PCDH15: variants seen among roughly 807,000 people sequenced by gnomAD.
PCDH15 encodes the protein protocadherin-15.
PCDH15 carries 129 observed loss-of-function variants against 178.5 expected under a neutral mutation model. The observed-to-expected ratio is 0.72, with a 90% CI of 0.63 to 0.84. The LOEUF (loss-of-function observed/expected upper bound fraction) is 0.84. PCDH15 is among the 40% of genes least tolerant of loss of function. PCDH15 has a pLI of 0.00. For missense variants in PCDH15, 2,230 were observed against 2,099.9 expected (o/e 1.06, Z -1.21); for synonymous variants, 800 against 732.0 (o/e 1.09, Z -1.50).
chr10:54,012,579 A>G (rs2092622852), intron 20 of PCDH15, among the ~76,000 whole-genome samples: 1 of 152,186 alleles, frequency 6.6e-6, no homozygotes, highest in African/African-American at 2.4e-5. Flanking sequence ...AGAACCCATC[A>G]GGCTAACAGT....
chr10:54,552,451 G>A (rs2133204538), intron 2 of PCDH15, among the ~76,000 whole-genome samples: 1 of 152,146 alleles, frequency 6.6e-6, no homozygotes, highest in African/African-American at 2.4e-5. Flanking sequence ...AAACTTAAAT[G>A]GCATTATTAA....
At chr10:55,385,106 G>A (rs1837620131) in intron 2 of PCDH15, among the ~76,000 whole-genome samples, 1 of 152,058 alleles carries the variant, frequency 6.6e-6, no homozygotes, top group Non-Finnish European at 1.5e-5. Context: ...AAACTCAAGG[G>A]AGTCAAAGAA....
intron 2 of PCDH15, among the ~76,000 whole-genome samples, chr10:55,125,143 C>T (rs879701030): frequency 1.2e-4 from 16 of 132,720 alleles, no homozygotes; most frequent in Non-Finnish European, 2.0e-4. Context: ...AATTAGGATA[C>T]TTTTTGAATT....
intron 8 of PCDH15, among the ~76,000 whole-genome samples, chr10:54,302,364 T>C (rs2060196135): frequency 1.3e-5 from 2 of 152,148 alleles, no homozygotes; most frequent in South Asian, 4.1e-4. Context: ...AGACTGTAAG[T>C]TCCAGCTGTG....
intron 35 of PCDH15, among the ~76,000 whole-genome samples, chr10:53,815,413 G>A (rs1025696862): frequency 6.6e-6 from 1 of 152,092 alleles, no homozygotes; most frequent in Admixed American, 6.6e-5. Flanking sequence ...CTTGACTAAG[G>A]TCTTGCATAA....
chr10:54,575,606 T>C (rs1259762388), intron 2 of PCDH15, among the ~76,000 whole-genome samples: 1 of 152,176 alleles, frequency 6.6e-6, no homozygotes, highest in Non-Finnish European at 1.5e-5. Flanking sequence ...CTTTTAAAGC[T>C]TCTTTTTAAA....
rs1393195833 is a variant in PCDH15 at position 53,822,861 on chromosome 10, CT to C, written c.4368-2632del. 11 of 1,613,980 alleles carry C rather than the reference CT, an allele frequency of 6.8e-6. No homozygotes were observed. In the African/African-American group the frequency reaches 9.3e-5, roughly 14 times the overall value. ...CTCTTCAGTTGTAAGCAATGGATTG[CT>C]GCTACCTCTTTTGTTTGTACAGATT... On this transcript the variant is annotated intron_variant, in intron 32 of 37. Transcript: ENST00000644397.
chr10:55,007,343 GA>G (rs1839955385), intron 2 of PCDH15, among the ~76,000 whole-genome samples: 2 of 151,302 alleles, frequency 1.3e-5, no homozygotes, highest in South Asian at 2.1e-4. Context: ...TAATTTCAAA[GA>G]GAAAACATAC....
At chr10:54,670,110 T>C (rs902542566) in intron 1 of PCDH15, among the ~76,000 whole-genome samples, 3 of 152,106 alleles carry the variant, frequency 2.0e-5, no homozygotes, top group Admixed American at 6.6e-5. Context: ...TCTCAACATA[T>C]AGATTCATCC....
intron 3 of PCDH15, among the ~76,000 whole-genome samples, chr10:54,389,523 T>C (rs940168057): frequency 2.0e-4 from 30 of 152,176 alleles, no homozygotes; most frequent in Non-Finnish European, 3.7e-4. Context: ...TTCTAAAGTG[T>C]GGTCCCCTGA....
intron 28 of PCDH15, among the ~76,000 whole-genome samples, chr10:53,843,419 A>C (rs546704561): frequency 2.6e-5 from 4 of 152,068 alleles, no homozygotes; most frequent in South Asian, 2.1e-4. Context: ...ATATACCCCC[A>C]CACACACAAA....
At chr10:54,871,003 G>T (rs1466635269) in intron 3 of PCDH15, among the ~76,000 whole-genome samples, 4 of 152,014 alleles carry the variant, frequency 2.6e-5, no homozygotes, top group Non-Finnish European at 4.4e-5. Context: ...GCAATCTCAG[G>T]ATCTGCTCTA....
At chr10:54,664,317 C>T in intron 1 of PCDH15, 27 bp from the exon 2 acceptor site, 1 of 1,385,780 alleles carries the variant, frequency 7.2e-7, no homozygotes. Flanking sequence ...TAGAAAGAAA[C>T]ATTTGACATG....
chr10:54,619,878 A>G (rs2093301414), intron 2 of PCDH15, among the ~76,000 whole-genome samples: 1 of 152,060 alleles, frequency 6.6e-6, no homozygotes, highest in Non-Finnish European at 1.5e-5. Flanking sequence ...GTGTTATCCA[A>G]GACAGGGGTT....
At chr10:54,254,965 A>G (rs2132159299) in intron 8 of PCDH15, among the ~76,000 whole-genome samples, 1 of 152,296 alleles carries the variant, frequency 6.6e-6, no homozygotes. Context: ...TCTTCCACAT[A>G]GGATGTACTT....
At chr10:55,325,146 C>T (rs1346122608) in intron 2 of PCDH15, among the ~76,000 whole-genome samples, 1 of 152,040 alleles carries the variant, frequency 6.6e-6, no homozygotes, top group Non-Finnish European at 1.5e-5. Context: ...GTCATACTGC[C>T]CAAAGCAATT....
intron 21 of PCDH15, among the ~76,000 whole-genome samples, chr10:53,964,481 A>T (rs894144169): frequency 3.0e-4 from 15 of 49,910 alleles, no homozygotes; most frequent in South Asian, 1.3e-3. Context: ...AAATTTATTT[A>T]AAAATTATTT....
chr10:54,291,605 T>G (rs2059411666), intron 8 of PCDH15, among the ~76,000 whole-genome samples: 1 of 151,708 alleles, frequency 6.6e-6, no homozygotes, highest in South Asian at 2.1e-4. Flanking sequence ...GAGAGAAGAA[T>G]CAAACAGACA....
intron 32 of PCDH15, chr10:53,825,285 T>C: frequency 2.1e-6 from 2 of 960,396 alleles, no homozygotes; most frequent in Non-Finnish European, 2.8e-6. Context: ...AAAAGGCATG[T>C]TTTTATATTT....
Sources: gnomAD v4.1 joint callset for allele counts (sites outside exome capture counted in the v4.1 genomes callset) on GRCh38, gnomAD v4.1.1 for gene constraint, MANE v1.5 for transcripts, NCBI Gene and HGNC (gene_info 2026-07-23, HGNC 2026-07-21) for gene names.